The following ACSL3 variants were observed in gnomAD, a reference collection of about 807,000 sequenced individuals.
ACSL3 encodes acyl-CoA synthetase long chain family member 3.
A neutral mutation model predicts 84.7 loss-of-function variants in ACSL3; 34 were observed. The ratio of observed to expected loss-of-function variants is 0.40; its 90% CI spans 0.31 to 0.53. The LOEUF (loss-of-function observed/expected upper bound fraction) is 0.53, where lower values mean the gene tolerates loss of function less well. Ranked by LOEUF, ACSL3 falls within the 20% of genes least tolerant of loss-of-function variation. The probability of loss-of-function intolerance (pLI) is 0.48; values close to 1 mark genes in which losing one functional copy is unlikely to be tolerated. For missense variants in ACSL3, 680 were observed against 873.1 expected (o/e 0.78, Z 2.79); for synonymous variants, 315 against 299.4 (o/e 1.05, Z -0.54).
rs771910418 is a variant in ACSL3 at position 222,919,045 on chromosome 2, A to G, written c.667-19A>G. On this transcript the variant is annotated intron_variant, in intron 6 of 16. Transcript: ENST00000357430. ...TGCTTGAAAAATAATGAACGTGATG[A>G]ATGTTGGTGTATTTCTAGGATATAG... The G allele has an allele frequency of 6.2e-7, 1 of 1,610,292 alleles. No individual in the cohort carries two copies. The highest frequency in any genetic ancestry group is 1.1e-5 in the South Asian group (1 of 90,622).
At chr2:222,933,983 A>G (rs1005948761) in intron 15 of ACSL3, among the ~76,000 whole-genome samples, 1 of 152,228 alleles carries the variant, frequency 6.6e-6, no homozygotes, top group Non-Finnish European at 1.5e-5. Flanking sequence ...GATAGTAACC[A>G]GAAGCATCTT....
rs975518610 is a variant in ACSL3, at chr2:222,944,443, T to C, written c.*2789T>C. 2 of 152,162 alleles carry C rather than the reference T, an allele frequency of 1.3e-5. No homozygotes were observed. Among genetic ancestry groups the C allele is most frequent in the African/African-American group, 2.4e-5 (1 of 41,458 alleles). 9.4% of individuals were successfully genotyped at this position (152,162 alleles called of 1,614,324 possible). On this transcript the variant is annotated 3_prime_UTR_variant, in exon 17 of 17. Transcript: ENST00000357430. The stretch of plus-strand genomic sequence containing the variant: ...AAACAGTGTACATATTGGACCACAC[T>C]GAAATGTCATATATCCTTTCTCTAC...
rs956417811 is a variant in ACSL3 at position 222,944,571 on chromosome 2, A to AT, written c.*2920dup. 1.3e-5 allele frequency: 2 copies of AT among 149,144 alleles called. No homozygotes were observed. Among genetic ancestry groups the AT allele is most frequent in the Non-Finnish European group, 3.0e-5 (2 of 67,556 alleles). The allele number at this position is 149,144 out of a possible 1,614,324, so 9.2% of individuals were successfully genotyped here. On this transcript the variant is annotated 3_prime_UTR_variant, in exon 17 of 17. Coordinates refer to ENST00000357430, the MANE Select transcript of ACSL3 (RefSeq NM_004457.5). ...CATAAAGAGCTACATGGTATGGACTATTTATTTGTAATTTGACATAAAGTT... is the reference window on the plus strand; with the variant it reads ...CATAAAGAGCTACATGGTATGGACTATTTTATTTGTAATTTGACATAAAGTT...
chr2:222,878,436 T>C (rs540262008), intron 1 of ACSL3, among the ~76,000 whole-genome samples: 37 of 152,366 alleles, frequency 2.4e-4, no homozygotes, highest in African/African-American at 8.9e-4. Flanking sequence ...TTGCTGCTTA[T>C]CGCCTTCTCT....
chr2:222,876,367 G>T (rs971619584), intron 1 of ACSL3, among the ~76,000 whole-genome samples: 7 of 152,034 alleles, frequency 4.6e-5, no homozygotes, highest in African/African-American at 1.7e-4. Flanking sequence ...TCAGTCCTAG[G>T]CTGAAGTGCC....
In ACSL3 at chr2:222,941,784, AT is replaced by A; in HGVS notation, c.*135del. On this transcript the variant is annotated 3_prime_UTR_variant, in exon 17 of 17. Coordinates refer to ENST00000357430, the MANE Select transcript of ACSL3 (RefSeq NM_004457.5). ...AACTATTACTTCTCATGACGTCACC[AT>A]TTTTAACTGACAGGATTAGTAAAAC... 1 of 986,536 alleles carries A rather than the reference AT, an allele frequency of 1.0e-6. No homozygotes were observed. The highest frequency in any genetic ancestry group is 1.7e-5 in the African/African-American group (1 of 59,946). 61.1% of individuals were successfully genotyped at this position (986,536 alleles called of 1,614,324 possible).
At chr2:222,871,959 C>G (rs35366410) in intron 1 of ACSL3, among the ~76,000 whole-genome samples, 14,298 of 151,880 alleles carry the variant, frequency 0.094, 1,095 homozygotes, top group African/African-American at 0.2. Context: ...CATTCCCCCC[C>G]ACCCCCGACT....
chr2:222,880,387 G>A (rs1181594137), intron 1 of ACSL3, among the ~76,000 whole-genome samples: 3 of 151,902 alleles, frequency 2.0e-5, no homozygotes, highest in Admixed American at 6.6e-5. Flanking sequence ...GTTTTTTTGT[G>A]TGTGTCTATC....
rs762047987 is a variant in ACSL3 at position 222,941,555 on chromosome 2, C to A, written c.2064C>A (p.Thr688=). Residue 688 remains threonine, a synonymous_variant, in exon 17 of 17, where the codon ACC becomes ACA. Coordinates refer to ENST00000357430, the MANE Select transcript of ACSL3 (RefSeq NM_004457.5). The part of the protein sequence containing the change: ...VKIRLSPEPW[T]PETGLVTDAF... The stretch of plus-strand genomic sequence containing the variant: ...TTCGTTTGAGTCCTGAACCGTGGAC[C>A]CCTGAAACTGGTCTGGTGACAGATG... 1 of 1,613,078 alleles carries A rather than the reference C, an allele frequency of 6.2e-7. No homozygotes were observed. The highest frequency in any genetic ancestry group is 2.2e-5 in the East Asian group (1 of 44,838).
chr2:222,932,580 C>T (rs112707029), intron 14 of ACSL3, among the ~76,000 whole-genome samples: 23 of 152,290 alleles, frequency 1.5e-4, no homozygotes, highest in Middle Eastern at 3.4e-3. Flanking sequence ...GTGCCCGCCT[C>T]GGCCTCCCGA....
At chr2:222,898,741 G>C (rs528696840) in intron 2 of ACSL3, among the ~76,000 whole-genome samples, 1 of 152,170 alleles carries the variant, frequency 6.6e-6, no homozygotes, top group African/African-American at 2.4e-5. Flanking sequence ...GCAGGAGAAT[G>C]GCGTGAACCC....
chr2:222,943,720 T>C lies in ACSL3; in HGVS notation c.*2066T>C, dbSNP rs1475071814. The C allele has an allele frequency of 6.6e-6, 1 of 152,130 alleles. No homozygotes were observed. The highest frequency in any genetic ancestry group is 6.5e-5 in the Admixed American group (1 of 15,274). The allele number at this position is 152,130 out of a possible 1,614,324, so 9.4% of individuals were successfully genotyped here. ...TAGAGTCCCCTTTTAAACAAATTTG[T>C]CTGTAAGCAAAACTATCTTTAGTGA... On this transcript the variant is annotated 3_prime_UTR_variant, in exon 17 of 17. Coordinates refer to ENST00000357430, the MANE Select transcript of ACSL3 (RefSeq NM_004457.5).
At chr2:222,917,540 C>G (rs1384657091) in intron 5 of ACSL3, 2 of 152,258 alleles carry the variant, frequency 1.3e-5, no homozygotes, top group African/African-American at 4.8e-5. Context: ...AAAATCTACA[C>G]TATTCATGTT....
intron 16 of ACSL3, among the ~76,000 whole-genome samples, chr2:222,937,496 G>A (rs990357438): frequency 2.0e-5 from 3 of 151,880 alleles, no homozygotes; most frequent in Non-Finnish European, 4.4e-5. Flanking sequence ...CAAGTTACGC[G>A]TATATTTGTA....
chr2:222,924,420 T>A (rs538973337), intron 10 of ACSL3, 36 bp from the exon 11 acceptor site: 2 of 1,522,576 alleles, frequency 1.3e-6, no homozygotes, highest in Non-Finnish European at 1.8e-6. Flanking sequence ...GCAGCTGTTA[T>A]TATTAACTAT....
chr2:222,917,045 A>G (rs1261440147), intron 5 of ACSL3, among the ~76,000 whole-genome samples: 1 of 152,234 alleles, frequency 6.6e-6, no homozygotes, highest in East Asian at 1.9e-4. Flanking sequence ...CAGATGAAAC[A>G]GAAAATACAC....
At chr2:222,875,656 C>T (rs1038386081) in intron 1 of ACSL3, among the ~76,000 whole-genome samples, 3 of 152,078 alleles carry the variant, frequency 2.0e-5, no homozygotes, top group Non-Finnish European at 4.4e-5. Flanking sequence ...AATTGCATGA[C>T]GTTATAGCGC....
chr2:222,910,968 A>AGCCTAT (rs1389799220), intron 4 of ACSL3, among the ~76,000 whole-genome samples: 1 of 152,030 alleles, frequency 6.6e-6, no homozygotes, highest in Non-Finnish European at 1.5e-5. Context: ...TTTCTTTTCC[A>AGCCTAT]GCCTATGGAT....
chr2:222,920,941 G>A (rs955761937), intron 7 of ACSL3: 7 of 483,470 alleles, frequency 1.4e-5, no homozygotes, highest in Non-Finnish European at 3.0e-5. Context: ...GGGTTTCCAT[G>A]GCTCCCTTCC....
Sources: allele counts gnomAD v4.1 joint callset (sites outside exome capture counted in the v4.1 genomes callset), GRCh38; gene constraint gnomAD v4.1.1; transcripts MANE v1.5; gene names NCBI Gene and HGNC (gene_info 2026-07-23, HGNC 2026-07-21).